CACNA1E: variants seen among roughly 807,000 people sequenced by gnomAD.
The protein encoded by CACNA1E is voltage-dependent R-type calcium channel subunit alpha-1E.
Under a neutral mutation model 259.2 loss-of-function variants are expected in CACNA1E, and 40 were observed. The ratio of observed to expected loss-of-function variants is 0.15; its 90% CI spans 0.12 to 0.20. CACNA1E has a LOEUF of 0.20. Among genes scored for constraint, CACNA1E ranks in the 10% least tolerant of loss-of-function variants. The probability of loss-of-function intolerance (pLI) is 1.00; values close to 1 mark genes in which losing one functional copy is unlikely to be tolerated. For synonymous variants in CACNA1E, 1,104 were observed against 1,138.5 expected (o/e 0.97, Z 0.61); for missense variants, 1,874 against 3,040.1 (o/e 0.62, Z 9.02).
chr1:181,511,528 CTCTG>C lies in CACNA1E; in HGVS notation c.512+24_512+27del, dbSNP rs746359150. On this transcript the variant is annotated intron_variant, in intron 3 of 47. Coordinates refer to ENST00000367573, the MANE Select transcript of CACNA1E (RefSeq NM_001205293.3). ...CTCAGTGGGTAAGTCCATTTTCTCTCTCTGTCTGTGTGTGTGTATGAAGGGGGTT... is the reference window on the plus strand; with the variant it reads ...CTCAGTGGGTAAGTCCATTTTCTCTCTCTGTGTGTGTGTATGAAGGGGGTT... The C allele has an allele frequency of 1.6e-4, 252 of 1,612,876 alleles. No individual in the cohort carries two copies. The highest frequency in any genetic ancestry group is 2.1e-4 in the Non-Finnish European group (244 of 1,179,684).
At chr1:181,388,847 C>T (rs965078235) in intron 1 of CACNA1E, among the ~76,000 whole-genome samples, 3 of 151,552 alleles carry the variant, frequency 2.0e-5, no homozygotes, top group Non-Finnish European at 2.9e-5. Flanking sequence ...GCCAAGATGG[C>T]GCCATTGCAC....
chr1:181,580,966 C>G (rs1205640146), intron 6 of CACNA1E, among the ~76,000 whole-genome samples, 190 bp downstream of exon 6: 1 of 152,176 alleles, frequency 6.6e-6, no homozygotes, highest in South Asian at 2.1e-4. Context: ...CCTGTTGCTA[C>G]GTACAAGTAC....
upstream of CACNA1E, among the ~76,000 whole-genome samples, chr1:181,482,172 T>C (rs1430746675): frequency 6.6e-6 from 1 of 152,216 alleles, no homozygotes; most frequent in Non-Finnish European, 1.5e-5. Context: ...TGGAAATGCC[T>C]GGCCGTGTTC....
chr1:181,389,236 T>G (rs1027967298), intron 1 of CACNA1E, among the ~76,000 whole-genome samples: 1 of 152,164 alleles, frequency 6.6e-6, no homozygotes, highest in Non-Finnish European at 1.5e-5. Flanking sequence ...AGTACTATGT[T>G]TGGGGCCATT....
intron 1 of CACNA1E, among the ~76,000 whole-genome samples, chr1:181,380,329 G>A (rs1478745832): frequency 1.3e-5 from 2 of 151,974 alleles, no homozygotes; most frequent in African/African-American, 2.4e-5. Context: ...ACATCTCAAA[G>A]TGGTGACTTC....
At chr1:181,748,619 A>C (rs1026016879) in intron 25 of CACNA1E, among the ~76,000 whole-genome samples, 16 of 152,226 alleles carry the variant, frequency 1.1e-4, no homozygotes, top group Admixed American at 5.9e-4. Context: ...CTATTCTTAC[A>C]TCTTAGAGAT....
chr1:181,707,032 A>T (rs1652861580), intron 7 of CACNA1E, among the ~76,000 whole-genome samples: 1 of 152,194 alleles, frequency 6.6e-6, no homozygotes, highest in Admixed American at 6.5e-5. Flanking sequence ...TGACCTCATG[A>T]AGGCTTTACT....
chr1:181,713,941 G>C (rs1264727944), intron 8 of CACNA1E, among the ~76,000 whole-genome samples: 2 of 152,154 alleles, frequency 1.3e-5, no homozygotes, highest in African/African-American at 4.8e-5. Context: ...GAAGAGTACA[G>C]GGGACTGTCT....
At chr1:181,542,074 A>G (rs1668625190) in intron 3 of CACNA1E, among the ~76,000 whole-genome samples, 1 of 152,184 alleles carries the variant, frequency 6.6e-6, no homozygotes, top group South Asian at 2.1e-4. Flanking sequence ...GGAAAGTCAC[A>G]TGATCAGGAA....
chr1:181,731,080 A>G (rs1655428520), intron 18 of CACNA1E, 95 bp from the exon 19 acceptor site: 1 of 900,642 alleles, frequency 1.1e-6, no homozygotes, highest in Admixed American at 1.9e-5. Context: ...CACACAGAGG[A>G]CTCCCTGTCT....
At chr1:181,492,184 A>G (rs1239131335) in intron 1 of CACNA1E, among the ~76,000 whole-genome samples, 2 of 152,242 alleles carry the variant, frequency 1.3e-5, no homozygotes, top group East Asian at 1.9e-4. Context: ...ATTTTGTTAC[A>G]TGGAACTCTT....
At chr1:181,638,699 G>A (rs907677130) in intron 6 of CACNA1E, among the ~76,000 whole-genome samples, 13 of 152,202 alleles carry the variant, frequency 8.5e-5, no homozygotes, top group African/African-American at 3.1e-4. Context: ...GAGAGACCAC[G>A]TAGAGGTGAT....
chr1:181,567,471 A>G (rs1292670118), intron 3 of CACNA1E, among the ~76,000 whole-genome samples: 2 of 152,206 alleles, frequency 1.3e-5, no homozygotes, highest in African/African-American at 4.8e-5. Context: ...CAAATGGAAA[A>G]CAACAAAAGA....
At chr1:181,627,374 G>A (rs1656296105) in intron 6 of CACNA1E, among the ~76,000 whole-genome samples, 1 of 152,178 alleles carries the variant, frequency 6.6e-6, no homozygotes, top group African/African-American at 2.4e-5. Context: ...GGCATCTTGG[G>A]AAGAGGAAAT....
chr1:181,372,225 T>C (rs191242100), intron 1 of CACNA1E, among the ~76,000 whole-genome samples: 41 of 152,340 alleles, frequency 2.7e-4, no homozygotes, highest in African/African-American at 9.6e-4. Context: ...TTCCTGTACA[T>C]GAGCATAAAA....
intron 7 of CACNA1E, among the ~76,000 whole-genome samples, chr1:181,680,586 C>T (rs375430159): frequency 2.0e-5 from 3 of 152,284 alleles, no homozygotes; most frequent in South Asian, 2.1e-4. Context: ...GCCCTGCCTC[C>T]GGAAACGAAG....
chr1:181,525,202 A>G (rs1201681882), intron 3 of CACNA1E, among the ~76,000 whole-genome samples: 1 of 152,242 alleles, frequency 6.6e-6, no homozygotes, highest in Non-Finnish European at 1.5e-5. Context: ...CTATCTGTCC[A>G]TCTATCCTCC....
chr1:181,762,939 G>A (rs865777766), intron 33 of CACNA1E, among the ~76,000 whole-genome samples: 6 of 152,176 alleles, frequency 3.9e-5, no homozygotes, highest in South Asian at 2.1e-4. Context: ...TATGCATAGC[G>A]TTGCACTAGA....
At chr1:181,724,623 T>C in intron 17 of CACNA1E, 86 bp downstream of exon 17, 2 of 1,129,738 alleles carry the variant, frequency 1.8e-6, no homozygotes, top group Non-Finnish European at 2.6e-6. Flanking sequence ...AAAGTCTACA[T>C]TGTCTGACTC....
Sources: gnomAD v4.1 joint callset for allele counts (sites outside exome capture counted in the v4.1 genomes callset) on GRCh38, gnomAD v4.1.1 for gene constraint, MANE v1.5 for transcripts, NCBI Gene and HGNC (gene_info 2026-07-23, HGNC 2026-07-21) for gene names.